FRMPD1: variants seen among roughly 807,000 people sequenced by gnomAD.
FRMPD1 encodes the protein FERM and PDZ domain containing 1.
A neutral mutation model predicts 117.8 loss-of-function variants in FRMPD1; 76 were observed. The ratio of observed to expected loss-of-function variants is 0.65; its 90% CI spans 0.54 to 0.78. The LOEUF is 0.78. Among genes scored for constraint, FRMPD1 ranks in the 30% least tolerant of loss-of-function variants. The pLI is 0.00. For synonymous variants in FRMPD1, 783 were observed against 770.4 expected, an observed-to-expected ratio of 1.02 and a Z score of -0.27; for missense variants, 1,786 against 1,964.5, an observed-to-expected ratio of 0.91 and a Z score of 1.72.
chr9:37,649,115 G>T (rs141520606), upstream of FRMPD1, among the ~76,000 whole-genome samples: 18 of 152,252 alleles, frequency 1.2e-4, no homozygotes, highest in East Asian at 3.3e-3. Context: ...ATTCCATGGG[G>T]AACATTTGTA....
At chr9:37,697,719 C>T (rs1822375598) in intron 2 of FRMPD1, among the ~76,000 whole-genome samples, 1 of 152,188 alleles carries the variant, frequency 6.6e-6, no homozygotes, top group Non-Finnish European at 1.5e-5. Flanking sequence ...TAATTTTTAA[C>T]CTTTTGCTTT....
intron 12 of FRMPD1, among the ~76,000 whole-genome samples, chr9:37,735,243 C>G (rs1588968081): frequency 6.6e-6 from 1 of 152,154 alleles, no homozygotes; most frequent in Middle Eastern, 3.4e-3. Flanking sequence ...AAAGAAGGAT[C>G]AGGATTTAAA....
chr9:37,723,596 G>A (rs925117504), intron 6 of FRMPD1, among the ~76,000 whole-genome samples: 3 of 152,204 alleles, frequency 2.0e-5, no homozygotes, highest in African/African-American at 4.8e-5. Context: ...GGTGGCTCAC[G>A]CCTATAATCC....
the FRMPD1 span, among the ~76,000 whole-genome samples, chr9:37,617,632 G>A: frequency 2.6e-5 from 4 of 152,116 alleles, no homozygotes; most frequent in African/African-American, 4.8e-5. Context: ...GACCGGATTC[G>A]GGAGACACTG....
At position 37,717,381 on chromosome 9, in the gene FRMPD1, A is replaced by ATATT. The variant is rs1335593457; in HGVS notation, c.409-1687_409-1686insATTT. Among the ~76,000 whole-genome samples the ATATT allele has an allele frequency of 7.1e-4, 81 of 114,346 alleles. 1 individual carries two copies. Among genetic ancestry groups the ATATT allele is most frequent in the Non-Finnish European group, 9.7e-4 (55 of 56,508 alleles). 75.0% of individuals were successfully genotyped at this position (114,346 alleles called of 152,430 possible). A position where few individuals can be genotyped will look rare whatever the true frequency, so the allele number is the denominator to read the frequency against. On this transcript the variant is annotated intron_variant, in intron 5 of 15. Transcript: ENST00000377765. The stretch of plus-strand genomic sequence containing the variant: ...TGTGTGTGTGTGTGTATATATATAT[A>ATATT]TTTTTTTTTTTTTTTTGAGATGTAG...
intron 1 of FRMPD1, among the ~76,000 whole-genome samples, chr9:37,662,444 C>A (rs1361050156): frequency 6.6e-6 from 1 of 152,162 alleles, no homozygotes; most frequent in Non-Finnish European, 1.5e-5. Flanking sequence ...GATGGAGTTA[C>A]AGTCCTTGGC....
intron 7 of FRMPD1, 56 bp downstream of exon 7, chr9:37,724,376 A>C: frequency 1.1e-6 from 1 of 923,026 alleles, no homozygotes; most frequent in South Asian, 1.4e-5. Flanking sequence ...GGCTGCTAGG[A>C]CCCCCCAGGC....
At chr9:37,715,393 G>A (rs1823076707) in intron 5 of FRMPD1, among the ~76,000 whole-genome samples, 3 of 152,294 alleles carry the variant, frequency 2.0e-5, no homozygotes, top group South Asian at 2.1e-4. Flanking sequence ...GTGATATGCT[G>A]TTGTACCTCT....
chr9:37,638,357 G>A, the FRMPD1 span, among the ~76,000 whole-genome samples: 1 of 152,166 alleles, frequency 6.6e-6, no homozygotes, highest in Non-Finnish European at 1.5e-5. Flanking sequence ...ACAGGTGTGA[G>A]CCACTGCGTC....
At chr9:37,731,734 G>A (rs945289639) in intron 9 of FRMPD1, among the ~76,000 whole-genome samples, 5 of 152,090 alleles carry the variant, frequency 3.3e-5, no homozygotes, top group South Asian at 2.1e-4. Context: ...TTAGCCAGCC[G>A]TGGTGGCACA....
intron 15 of FRMPD1, 149 bp from the exon 16 acceptor site, chr9:37,744,240 A>T: frequency 1.8e-6 from 1 of 549,562 alleles, no homozygotes; most frequent in South Asian, 3.5e-5. Flanking sequence ...CTTTCAGATG[A>T]GGAAGTTGAG....
the FRMPD1 span, among the ~76,000 whole-genome samples, chr9:37,606,889 A>C: frequency 6.6e-6 from 1 of 152,178 alleles, no homozygotes; most frequent in Admixed American, 6.5e-5. Context: ...TTGGCCCTTC[A>C]CATGTCATTC....
At chr9:37,722,021 A>C (rs1823420595) in intron 6 of FRMPD1, among the ~76,000 whole-genome samples, 1 of 152,200 alleles carries the variant, frequency 6.6e-6, no homozygotes, top group Non-Finnish European at 1.5e-5. Flanking sequence ...TAAACCTTTT[A>C]AATCACAAAG....
chr9:37,723,875 G>T (rs1009405656), intron 6 of FRMPD1, among the ~76,000 whole-genome samples: 1 of 152,224 alleles, frequency 6.6e-6, no homozygotes, highest in African/African-American at 2.4e-5. Flanking sequence ...GTGTGTGCCT[G>T]TAGTCTCAGC....
chr9:37,678,758 A>G (rs1046921099), intron 1 of FRMPD1, among the ~76,000 whole-genome samples: 1 of 152,224 alleles, frequency 6.6e-6, no homozygotes, highest in Non-Finnish European at 1.5e-5. Context: ...GAAGGAAGTG[A>G]AGGTATCGCA....
chr9:37,733,792 A>T lies in FRMPD1; in HGVS notation c.1185A>T (p.Thr395=). 6.3e-7 allele frequency: 1 copy of T among 1,599,796 alleles called. No individual in the cohort carries two copies. The highest frequency in any genetic ancestry group is 8.6e-7 in the Non-Finnish European group (1 of 1,166,956). Residue 395 remains threonine (T), a synonymous_variant, in exon 12 of 16, where the codon ACA becomes ACT. Transcript: ENST00000377765. ...NYLQILGELK[T]YGGRIFNATL... ...TACAGATCCTCGGAGAACTCAAGACATATGGTGGAAGAATCTTTAATGCTA... is the reference window on the plus strand; with the variant it reads ...TACAGATCCTCGGAGAACTCAAGACTTATGGTGGAAGAATCTTTAATGCTA...
the FRMPD1 span, among the ~76,000 whole-genome samples, chr9:37,609,424 C>A: frequency 2.0e-5 from 3 of 152,264 alleles, no homozygotes; most frequent in African/African-American, 7.2e-5. Flanking sequence ...GCAAGTCCAG[C>A]CTTCAGGTTG....
Position 37,692,637 on chromosome 9 carries a change from G to C in FRMPD1, c.-4-1G>C. ...CTTAAGAACACTCTTCTTCCTTTTA[G>C]GTAAATGGAAGAGCTGGAGACCAGT... On this transcript the variant is annotated splice_acceptor_variant, in intron 1 of 15. Transcript: ENST00000377765. LOFTEE classifies it low-confidence loss of function (5UTR_SPLICE). The C allele has an allele frequency of 6.3e-7, 1 of 1,580,914 alleles. No individual in the cohort carries two copies. The highest frequency in any genetic ancestry group is 8.7e-7 in the Non-Finnish European group (1 of 1,149,680).
intron 14 of FRMPD1, 42 bp downstream of exon 14, chr9:37,737,285 C>T (rs1369832403): frequency 3.1e-6 from 5 of 1,601,676 alleles, no homozygotes; most frequent in Non-Finnish European, 3.4e-6. Flanking sequence ...AGGCCCCTTT[C>T]ACTGGCCTTG....
Sources: gnomAD v4.1 joint callset for allele counts (sites outside exome capture counted in the v4.1 genomes callset) on GRCh38, gnomAD v4.1.1 for gene constraint, MANE v1.5 for transcripts, NCBI Gene and HGNC (gene_info 2026-07-23, HGNC 2026-07-21) for gene names.